Variants in UBQLN4 observed in about 807,000 individuals in gnomAD.
The protein encoded by UBQLN4 is ubiquilin 4.
In UBQLN4, 11 loss-of-function variants were observed where a neutral mutation model predicts 60.4. That is an observed-to-expected ratio of 0.18 (90% CI 0.11 to 0.30). The LOEUF (loss-of-function observed/expected upper bound fraction) is 0.30, where lower values mean the gene tolerates loss of function less well. Among genes scored for constraint, UBQLN4 ranks in the 10% least tolerant of loss-of-function variants. UBQLN4 has a pLI of 1.00. For missense variants in UBQLN4, 417 were observed against 795.5 expected, an observed-to-expected ratio of 0.52 and a Z score of 5.72; for synonymous variants, 258 against 313.1, an observed-to-expected ratio of 0.82 and a Z score of 1.86.
chr1:156,039,716 T>G (rs1683498794), intron 10 of UBQLN4, among the ~76,000 whole-genome samples: 1 of 151,016 alleles, frequency 6.6e-6, no homozygotes, highest in Non-Finnish European at 1.5e-5. Context: ...GGCAGGTGGA[T>G]CACGAGGTCA....
At chr1:156,034,823 TTCTA>T (rs1558083069), downstream of UBQLN4, among the ~76,000 whole-genome samples, 5 of 35,872 alleles carry the variant, frequency 1.4e-4, no homozygotes, top group African/African-American at 5.1e-4. Context: ...TCCCTTAACC[TTCTA>T]TATATATATA....
chr1:156,035,403 C>A lies in UBQLN4; in HGVS notation c.*1575G>T, dbSNP rs1356642017. On this transcript the variant is annotated 3_prime_UTR_variant, in exon 11 of 11. Coordinates refer to ENST00000368309, the MANE Select transcript of UBQLN4 (RefSeq NM_020131.5). ...ACATCTTCTCTGGACTGCTTGGGAC[C>A]CTTTCCCACTTGGAGCAAACTCTGT... The A allele has an allele frequency of 3.0e-6, 3 of 984,840 alleles. No individual in the cohort carries two copies. The Admixed American group carries it at 1.9e-4, about 61-fold the overall frequency. 61.0% of individuals were successfully genotyped at this position (984,840 alleles called of 1,614,324 possible). A position where few individuals can be genotyped will look rare whatever the true frequency, so the allele number is the denominator to read the frequency against.
chr1:156,037,418 AC>A (rs1326270191), intron 10 of UBQLN4, among the ~76,000 whole-genome samples: 1 of 152,026 alleles, frequency 6.6e-6, no homozygotes. Context: ...ACACGGCGAA[AC>A]CCCATCTCTA....
At chr1:156,041,805 G>C in intron 9 of UBQLN4, 67 bp downstream of exon 9, 1 of 1,503,120 alleles carries the variant, frequency 6.7e-7, no homozygotes, top group Non-Finnish European at 9.0e-7. Flanking sequence ...TGAGAGAGTG[G>C]CAGAGAGAAG....
At chr1:156,032,592 CT>C (rs1209520483), downstream of UBQLN4, among the ~76,000 whole-genome samples, 1 of 151,222 alleles carries the variant, frequency 6.6e-6, no homozygotes, top group Non-Finnish European at 1.5e-5. Flanking sequence ...TGCTTTGTAG[CT>C]TGTCTTTAGT....
intron 5 of UBQLN4, among the ~76,000 whole-genome samples, chr1:156,046,367 G>A (rs1230637653): frequency 3.3e-5 from 5 of 150,340 alleles, no homozygotes; most frequent in South Asian, 2.1e-4. Flanking sequence ...GCATGGTGGC[G>A]GGCGCCTGTG....
chr1:156,035,999 G>T lies in UBQLN4; in HGVS notation c.*979C>A, dbSNP rs565405046. The T allele has an allele frequency of 7.1e-6, 7 of 985,714 alleles. No individual in the cohort carries two copies. In the East Asian group the frequency reaches 7.8e-4, roughly 110 times the overall value. The allele number at this position is 985,714 out of a possible 1,614,324, so 61.1% of individuals were successfully genotyped here. A position where few individuals can be genotyped will look rare whatever the true frequency, so the allele number is the denominator to read the frequency against. ...GGGGCTCAAACTACTGGTGCCTGGG[G>T]ACACAAGCAAGACCTGGGTCCATGG... is the stretch of plus-strand genomic sequence containing the variant. On this transcript the variant is annotated 3_prime_UTR_variant, in exon 11 of 11. Coordinates refer to ENST00000368309, the MANE Select transcript of UBQLN4 (RefSeq NM_020131.5).
At chr1:156,034,871 A>G (rs1478005508), downstream of UBQLN4, among the ~76,000 whole-genome samples, 15 of 70,062 alleles carry the variant, frequency 2.1e-4, 1 homozygote, top group African/African-American at 7.3e-4. Context: ...ATATATATAT[A>G]ATTTTTTTTT....
intron 1 of UBQLN4, among the ~76,000 whole-genome samples, chr1:156,053,031 C>T (rs1375768831): frequency 4.6e-5 from 7 of 152,212 alleles, no homozygotes; most frequent in Non-Finnish European, 1.0e-4. Flanking sequence ...GGGTGGCGAA[C>T]ACAGGCAACA....
At position 156,051,845 on chromosome 1, in the gene UBQLN4, T is replaced by C; in HGVS notation, c.121A>G (p.Ile41Val). ...TGCTGAGCCTTAAACCTCCGGGAGA[T>C]TTCCTCTTTGAACTGTGATCAAGAG... is the stretch of plus-strand genomic sequence containing the variant. ...RASVKEFKEE[I>V]SRRFKAQQDQ... Residue 41 changes from isoleucine (I) to valine (V), a missense_variant, in exon 2 of 11, where the codon ATC becomes GTC. Ile to Val is a conservative substitution (Grantham distance 29). Coordinates refer to ENST00000368309, the MANE Select transcript of UBQLN4 (RefSeq NM_020131.5). 1 of 1,614,054 alleles carries C rather than the reference T, an allele frequency of 6.2e-7. No homozygotes were observed. Among genetic ancestry groups the C allele is most frequent in the Non-Finnish European group, 8.5e-7 (1 of 1,180,000 alleles).
chr1:156,051,041 TC>T, intron 3 of UBQLN4, 68 bp downstream of exon 3: 2 of 1,473,328 alleles, frequency 1.4e-6, no homozygotes, highest in Non-Finnish European at 1.9e-6. Context: ...CTCCTGTTTC[TC>T]CCTCCTCTTG....
At chr1:156,039,915 CGACAGAGCG>C (rs1683504834) in intron 10 of UBQLN4, among the ~76,000 whole-genome samples, 2 of 112,350 alleles carry the variant, frequency 1.8e-5, no homozygotes, top group African/African-American at 7.0e-5. Flanking sequence ...CCAGCCTGGG[CGACAGAGCG>C]AGACTCCGTC....
At chr1:156,037,614 A>C (rs1572268282) in intron 10 of UBQLN4, among the ~76,000 whole-genome samples, 1 of 152,228 alleles carries the variant, frequency 6.6e-6, no homozygotes, top group East Asian at 1.9e-4. Context: ...AAAACAAAAA[A>C]ACAAACAAAC....
intron 10 of UBQLN4, among the ~76,000 whole-genome samples, chr1:156,038,891 A>T (rs1335892869): frequency 6.7e-6 from 1 of 148,672 alleles, no homozygotes; most frequent in African/African-American, 2.5e-5. Context: ...TCCCGGGTTG[A>T]AGCGATTCTC....
At chr1:156,038,308 C>T (rs1224102941) in intron 10 of UBQLN4, among the ~76,000 whole-genome samples, 3 of 151,956 alleles carry the variant, frequency 2.0e-5, no homozygotes, top group Admixed American at 6.6e-5. Flanking sequence ...ATCCGGGAGG[C>T]GGAGGTGCAG....
chr1:156,034,870 T>TATAA (rs1683363635), downstream of UBQLN4, among the ~76,000 whole-genome samples: 1 of 115,218 alleles, frequency 8.7e-6, no homozygotes, highest in Non-Finnish European at 1.8e-5. Flanking sequence ...TATATATATA[T>TATAA]AATTTTTTTT....
chr1:156,041,534 T>C lies in UBQLN4; in HGVS notation c.1604A>G (p.Gln535Arg). The change falls in exon 10 of 11, where the codon CAA becomes CGA. Residue 535 changes from glutamine to arginine, a missense_variant. Gln to Arg is a conservative substitution (Grantham distance 43). Coordinates refer to ENST00000368309, the MANE Select transcript of UBQLN4 (RefSeq NM_020131.5). Reference sequence around the variant, plus strand: ...AAGCTGGATCATCTGCTGCATGAGTTGCTGCTGGGCGCTGGAAGCCCCTGT... The same window carrying C: ...AAGCTGGATCATCTGCTGCATGAGTCGCTGCTGGGCGCTGGAAGCCCCTGT... The part of the protein sequence containing the change: ...SPTGASSAQQ[Q>R]LMQQMIQLLA... 1 of 1,612,000 alleles carries C rather than the reference T, an allele frequency of 6.2e-7. No homozygotes were observed. The highest frequency in any genetic ancestry group is 8.5e-7 in the Non-Finnish European group (1 of 1,179,438).
rs1203986018 is a variant in UBQLN4, at chr1:156,050,124, C to G, written c.741+167G>C. ...TTACTTGTCCTACTTCCCTTTGACA[C>G]CTGGAATTCCTGAAAAGCTAGGCCT... On this transcript the variant is annotated intron_variant, in intron 4 of 10. Coordinates refer to ENST00000368309, the MANE Select transcript of UBQLN4 (RefSeq NM_020131.5). This position sits in a 1 kb window ranked among gnomAD's most constrained non-coding sequence, Gnocchi z 4.6. 1.3e-5 allele frequency among the ~76,000 whole-genome samples: 2 copies of G among 152,212 alleles called. No individual in the cohort carries two copies. Among genetic ancestry groups the G allele is most frequent in the Non-Finnish European group, 2.9e-5 (2 of 68,040 alleles).
rs752360719 is a variant in UBQLN4, at chr1:156,048,481, A to T, written c.900+20T>A. ...TCGAGCCCAGACAGCCCAACCCACT[A>T]CCCTGGCCCTTGATCCCACCTGTTC... On this transcript the variant is annotated intron_variant, in intron 5 of 10. Transcript: ENST00000368309. This position sits in a 1 kb window ranked among gnomAD's most constrained non-coding sequence, Gnocchi z 4.9. 42 of 1,601,700 alleles carry T rather than the reference A, an allele frequency of 2.6e-5. No individual in the cohort carries two copies. Among genetic ancestry groups the T allele is most frequent in the East Asian group, 6.7e-5 (3 of 44,546 alleles).
Sources: allele counts gnomAD v4.1 joint callset (sites outside exome capture counted in the v4.1 genomes callset), GRCh38; gene constraint gnomAD v4.1.1; non-coding constraint Gnocchi (gnomAD v3.1); transcripts MANE v1.5; gene names NCBI Gene and HGNC (gene_info 2026-07-23, HGNC 2026-07-21).